Variants in COL5A3 observed in about 807,000 individuals in gnomAD.
COL5A3 encodes the protein collagen alpha-3(V) chain.
In COL5A3, 172 loss-of-function variants were observed where a neutral mutation model predicts 250.0. The ratio of observed to expected loss-of-function variants is 0.69; its 90% CI spans 0.61 to 0.78. The LOEUF (loss-of-function observed/expected upper bound fraction) is 0.78, where lower values mean the gene tolerates loss of function less well. COL5A3 is among the 30% of genes least tolerant of loss of function. The probability of loss-of-function intolerance (pLI) is 0.00; values close to 1 mark genes in which losing one functional copy is unlikely to be tolerated. For missense variants in COL5A3, 2,340 were observed against 2,334.4 expected, an observed-to-expected ratio of 1.00 and a Z score of -0.05; for synonymous variants, 937 against 900.4, an observed-to-expected ratio of 1.04 and a Z score of -0.73.
rs1043310273 is a variant in COL5A3, at chr19:10,001,040, C to T, written c.1110+484G>A. Among the ~76,000 whole-genome samples, 5 of 152,080 alleles carry T rather than the reference C, an allele frequency of 3.3e-5. No individual in the cohort carries two copies. In the South Asian group the frequency reaches 1.0e-3, roughly 31 times the overall value. On this transcript the variant is annotated intron_variant, in intron 8 of 66. Transcript: ENST00000264828. ...ATAAATAATCTGTACAACAAAACCC[C>T]ATGACACAAGCTTACCTATGTAACA...
chr19:10,005,688 T>C lies in COL5A3; in HGVS notation c.464A>G (p.Asp155Gly). 1 of 1,612,462 alleles carries C rather than the reference T, an allele frequency of 6.2e-7. No individual in the cohort carries two copies. Among genetic ancestry groups the C allele is most frequent in the Admixed American group, 1.7e-5 (1 of 59,902 alleles). Reference protein sequence around the residue: ...GRWHRVAVSIDGEMVTLVADC... With the variant: ...GRWHRVAVSIGGEMVTLVADC... Reference sequence around the variant, plus strand: ...AGCTACCAGGGTCACCATCTCACCATCTATGCTGACGGCCACACGGTGCCA... The same window carrying C: ...AGCTACCAGGGTCACCATCTCACCACCTATGCTGACGGCCACACGGTGCCA... Residue 155 changes from aspartate to glycine, a missense_variant, in exon 4 of 67, where the codon GAT (aspartate) becomes GGT (glycine). This residue lies in a region of COL5A3 where 1,152 missense variants were observed against 1,146.3 expected (regional missense o/e 1.00). Transcript: ENST00000264828.
intron 51 of COL5A3, 103 bp downstream of exon 51, chr19:9,972,816 C>T: frequency 1.1e-5 from 8 of 753,160 alleles, no homozygotes; most frequent in Non-Finnish European, 1.6e-5. Context: ...AGCCTGGTGA[C>T]AGAGCAAGAC....
At chr19:9,999,387 A>G (rs1221352154) in intron 8 of COL5A3, among the ~76,000 whole-genome samples, 1 of 149,458 alleles carries the variant, frequency 6.7e-6, no homozygotes, top group African/African-American at 2.5e-5. Flanking sequence ...TTGTAGAGAC[A>G]GGGTCTTGCT....
Position 10,010,287 on chromosome 19 carries a change from T to A in COL5A3, c.88+11A>T. The A allele has an allele frequency of 7.1e-7, 1 of 1,415,936 alleles. No homozygotes were observed. The highest frequency in any genetic ancestry group is 9.3e-7 in the Non-Finnish European group (1 of 1,077,574). The allele number at this position is 1,415,936 out of a possible 1,614,324, so 87.7% of individuals were successfully genotyped here. On this transcript the variant is annotated intron_variant, in intron 1 of 66. Coordinates refer to ENST00000264828, the MANE Select transcript of COL5A3 (RefSeq NM_015719.4). Reference sequence around the variant, plus strand: ...TGGACCCTGGGTCCCATCTCTTCCCTCCCGGCTCACCGGCCTGCGTCCCCG... The same window carrying A: ...TGGACCCTGGGTCCCATCTCTTCCCACCCGGCTCACCGGCCTGCGTCCCCG...
In COL5A3 at chr19:9,993,901, T is replaced by C. The variant is rs143628996; in HGVS notation, c.1588-95A>G. On this transcript the variant is annotated intron_variant, in intron 16 of 66. Coordinates refer to ENST00000264828, the MANE Select transcript of COL5A3 (RefSeq NM_015719.4). ...AACTTCATCATCAACATCAAGATTTTTTTTTTGACAGGGTCTCCTTCTGTC... is the reference window on the plus strand; with the variant it reads ...AACTTCATCATCAACATCAAGATTTCTTTTTTGACAGGGTCTCCTTCTGTC... 2.7e-3 allele frequency: 3,125 copies of C among 1,162,462 alleles called. 6 individuals are homozygous for C. The highest frequency in any genetic ancestry group is 4.3e-3 in the South Asian group (321 of 73,900). 72.0% of individuals were successfully genotyped at this position (1,162,462 alleles called of 1,614,324 possible). A position where few individuals can be genotyped will look rare whatever the true frequency, so the allele number is the denominator to read the frequency against.
At chr19:9,989,598 T>G in intron 24 of COL5A3, 76 bp from the exon 25 acceptor site, 2 of 1,307,056 alleles carry the variant, frequency 1.5e-6, no homozygotes, top group South Asian at 2.8e-5. Flanking sequence ...TACGCAGACA[T>G]GCAGCCGCCT....
At chr19:10,010,208 C>T in intron 1 of COL5A3, 90 bp downstream of exon 1, 1 of 803,890 alleles carries the variant, frequency 1.2e-6, no homozygotes, top group Non-Finnish European at 1.7e-6. Context: ...CCCTTCCCCT[C>T]CACGCCCCTC....
intron 64 of COL5A3, 89 bp downstream of exon 64, chr19:9,966,225 G>C (rs1185937540): frequency 1.0e-6 from 1 of 988,882 alleles, no homozygotes; most frequent in Non-Finnish European, 1.6e-6. Flanking sequence ...GTTGAAGGAA[G>C]GATAACGTCC....
chr19:10,000,608 TTTTAAAGCTC>T (rs2087346454), intron 8 of COL5A3, among the ~76,000 whole-genome samples: 1 of 151,450 alleles, frequency 6.6e-6, no homozygotes. Flanking sequence ...CAGGGGGAGC[TTTTAAAGCTC>T]CAAGTCAGAT....
At chr19:9,979,022 G>T in intron 39 of COL5A3, 42 bp from the exon 40 acceptor site, 1 of 1,488,192 alleles carries the variant, frequency 6.7e-7, no homozygotes, top group Non-Finnish European at 9.0e-7. Flanking sequence ...CCAGGGAGGG[G>T]ATGTCTCCCT....
At chr19:9,965,241 G>A (rs1346848907) in intron 64 of COL5A3, among the ~76,000 whole-genome samples, 1 of 145,506 alleles carries the variant, frequency 6.9e-6, no homozygotes, top group African/African-American at 2.5e-5. Context: ...TGCAAGCTCC[G>A]CCTTCTGGGT....
intron 31 of COL5A3, 40 bp from the exon 32 acceptor site, chr19:9,982,158 A>T (rs1270194426): frequency 6.9e-7 from 1 of 1,448,636 alleles, no homozygotes; most frequent in Admixed American, 2.1e-5. Context: ...GAGGGTGAGG[A>T]GTGAGTGGTG....
rs142456677 is a variant in COL5A3 at position 9,999,136 on chromosome 19, T to TTTCCTTCCTTCCTTCCTTCCTTCC, written c.1111-1011_1111-988dup. ...GGCTTTTCCTTTTTTCTCTCTCTTT[T>TTTCCTTCCTTCCTTCCTTCCTTCC]TTCCTTCCTTCCTTCCTTCCTTCCT... On this transcript the variant is annotated intron_variant, in intron 8 of 66. Coordinates refer to ENST00000264828, the MANE Select transcript of COL5A3 (RefSeq NM_015719.4). 2.6e-4 allele frequency among the ~76,000 whole-genome samples: 33 copies of TTTCCTTCCTTCCTTCCTTCCTTCC among 126,674 alleles called. 1 individual carries two copies. The highest frequency in any genetic ancestry group is 9.5e-4 in the African/African-American group (30 of 31,502). The allele number at this position is 126,674 out of a possible 152,430, so 83.1% of individuals were successfully genotyped here.
chr19:10,005,848 G>A lies in COL5A3; in HGVS notation c.385C>T (p.Leu129=), dbSNP rs1198586681. The A allele has an allele frequency of 3.7e-6, 6 of 1,613,518 alleles. No individual in the cohort carries two copies. Among genetic ancestry groups the A allele is most frequent in the Non-Finnish European group, 5.1e-6 (6 of 1,179,870 alleles). ...GLALGPALGL[L]GDPFRPLPQQ... is the part of the protein sequence containing the mutation. ...GGGAGGGGGCGGAAGGGGTCACCTA[G>A]GAGACCCAGCGCTGGCCCCAGTGCC... The change falls in exon 3 of 67, where the codon CTA becomes TTA. Residue 129 remains leucine (L), a synonymous_variant. Transcript: ENST00000264828.
At chr19:9,972,377 TCATC>T (rs1426752545) in intron 51 of COL5A3, among the ~76,000 whole-genome samples, 2 of 152,230 alleles carry the variant, frequency 1.3e-5, no homozygotes, top group African/African-American at 4.8e-5. Flanking sequence ...ATTCACGTAT[TCATC>T]CATCCACTGA....
chr19:9,984,580 T>A (rs113702873), intron 31 of COL5A3, among the ~76,000 whole-genome samples: 2,242 of 152,302 alleles, frequency 0.015, 56 homozygotes, highest in African/African-American at 0.051. Flanking sequence ...TGTTGGTGAA[T>A]GAAACTTAAT....
chr19:9,991,729 C>T (rs925576507), intron 23 of COL5A3, 59 bp downstream of exon 23: 117 of 1,597,222 alleles, frequency 7.3e-5, no homozygotes, highest in Non-Finnish European at 9.2e-5. Context: ...AGCCTGGTCA[C>T]GGTCTAAGGT....
Position 10,008,683 on chromosome 19 carries a change from T to A in COL5A3, c.88+1615A>T, listed in dbSNP as rs147868005. Among the ~76,000 whole-genome samples, 523 of 152,282 alleles carry A rather than the reference T, an allele frequency of 3.4e-3. 5 individuals are homozygous for A. Among genetic ancestry groups the A allele is most frequent in the Admixed American group, 0.019 (286 of 15,306 alleles). On this transcript the variant is annotated intron_variant, in intron 1 of 66. Coordinates refer to ENST00000264828, the MANE Select transcript of COL5A3 (RefSeq NM_015719.4). Reference sequence around the variant, plus strand: ...CAGGCAGAGAATAGCTGGGCATATGTCGTTTCTCCAGGTGTCAATGTGTGC... The same window carrying A: ...CAGGCAGAGAATAGCTGGGCATATGACGTTTCTCCAGGTGTCAATGTGTGC...
At chr19:9,983,372 CTGT>C (rs1357596448) in intron 31 of COL5A3, among the ~76,000 whole-genome samples, 1 of 151,720 alleles carries the variant, frequency 6.6e-6, no homozygotes, top group East Asian at 2.0e-4. Flanking sequence ...TGGTGCGCAC[CTGT>C]TGTTCCCAGC....
Sources: gnomAD v4.1 joint callset for allele counts (sites outside exome capture counted in the v4.1 genomes callset) on GRCh38, gnomAD v4.1.1 for gene constraint, gnomAD v4.1.1 regional missense constraint, MANE v1.5 for transcripts, NCBI Gene and HGNC (gene_info 2026-07-23, HGNC 2026-07-21) for gene names.